Variants in ZMYM2 observed in about 807,000 individuals in gnomAD.
ZMYM2 encodes the protein zinc finger MYM-type protein 2.
ZMYM2 carries 56 observed loss-of-function variants against 162.8 expected under a neutral mutation model. The ratio of observed to expected loss-of-function variants is 0.34; its 90% CI spans 0.28 to 0.43. ZMYM2 has a LOEUF of 0.43. Ranked by LOEUF, ZMYM2 falls within the 20% of genes least tolerant of loss-of-function variation. The pLI is 1.00. For synonymous variants in ZMYM2, 510 were observed against 541.6 expected (o/e 0.94, Z 0.81); for missense variants, 1,275 against 1,621.8 (o/e 0.79, Z 3.67).
chr13:19,986,194 C>CA (rs1040909382), intron 2 of ZMYM2, among the ~76,000 whole-genome samples: 14 of 151,312 alleles, frequency 9.3e-5, no homozygotes, highest in African/African-American at 2.4e-4. Flanking sequence ...CAGACTCTCT[C>CA]AAAAAAACAA....
chr13:19,942,656 G>A, the ZMYM2 span, among the ~76,000 whole-genome samples: 1 of 151,928 alleles, frequency 6.6e-6, no homozygotes, highest in African/African-American at 2.4e-5. Flanking sequence ...GCTGCAGTGG[G>A]CCATAATCCT....
the ZMYM2 span, among the ~76,000 whole-genome samples, chr13:19,928,784 G>C: frequency 3.3e-3 from 498 of 149,482 alleles, 3 homozygotes; most frequent in African/African-American, 0.012. Flanking sequence ...GTGATAGAGT[G>C]AGACTCTGTC....
At chr13:20,055,510 G>C (rs1347975880) in intron 14 of ZMYM2, among the ~76,000 whole-genome samples, 2 of 152,118 alleles carry the variant, frequency 1.3e-5, no homozygotes, top group Admixed American at 6.6e-5. Context: ...TTGTTTAGAA[G>C]GGCCAGCAAG....
intron 3 of ZMYM2, among the ~76,000 whole-genome samples, chr13:20,001,283 T>C (rs956572333): frequency 6.6e-6 from 1 of 151,884 alleles, no homozygotes; most frequent in Non-Finnish European, 1.5e-5. Flanking sequence ...TCCCAGCTGC[T>C]TGGGAGACTG....
At chr13:19,987,257 A>G (rs539158622) in intron 2 of ZMYM2, among the ~76,000 whole-genome samples, 10 of 152,096 alleles carry the variant, frequency 6.6e-5, no homozygotes, top group African/African-American at 1.4e-4. Flanking sequence ...TAAATAAACA[A>G]TGCAGCTCTT....
chr13:19,918,739 T>C, the ZMYM2 span, among the ~76,000 whole-genome samples: 22 of 152,080 alleles, frequency 1.4e-4, no homozygotes, highest in East Asian at 7.8e-4. Flanking sequence ...CCTTGGGTGA[T>C]ACACCCACCT....
At chr13:19,897,787 C>T in the ZMYM2 span, among the ~76,000 whole-genome samples, 2 of 151,926 alleles carry the variant, frequency 1.3e-5, no homozygotes, top group African/African-American at 4.8e-5. Flanking sequence ...ATAAAATCAT[C>T]AACTTACCAA....
chr13:20,064,116 T>C (rs1956489522), intron 18 of ZMYM2, among the ~76,000 whole-genome samples: 1 of 151,748 alleles, frequency 6.6e-6, no homozygotes, highest in South Asian at 2.1e-4. Context: ...ACATTAGTTT[T>C]TGGAAAAAAC....
the ZMYM2 span, among the ~76,000 whole-genome samples, chr13:19,880,273 C>T: frequency 6.6e-6 from 1 of 152,140 alleles, no homozygotes; most frequent in Non-Finnish European, 1.5e-5. Flanking sequence ...GGACATCTTG[C>T]AATATTAAGT....
At chr13:19,891,314 G>A in the ZMYM2 span, among the ~76,000 whole-genome samples, 1 of 151,810 alleles carries the variant, frequency 6.6e-6, no homozygotes, top group South Asian at 2.1e-4. Flanking sequence ...ACGAAGAATG[G>A]CCTCACCAGA....
chr13:19,892,375 C>G, the ZMYM2 span, among the ~76,000 whole-genome samples: 1 of 151,764 alleles, frequency 6.6e-6, no homozygotes, highest in Non-Finnish European at 1.5e-5. Flanking sequence ...GGGTTCACGC[C>G]ATTCTCCTGC....
chr13:20,038,060 C>T (rs891049211), intron 12 of ZMYM2, among the ~76,000 whole-genome samples: 7 of 152,088 alleles, frequency 4.6e-5, no homozygotes, highest in African/African-American at 1.7e-4. Flanking sequence ...CTTTTCTTTT[C>T]CTGTGTTAGT....
chr13:20,031,685 A>T (rs548489680), intron 10 of ZMYM2, among the ~76,000 whole-genome samples: 1 of 152,120 alleles, frequency 6.6e-6, no homozygotes, highest in African/African-American at 2.4e-5. Flanking sequence ...AATAGTGTAC[A>T]GAATGTCACT....
the ZMYM2 span, among the ~76,000 whole-genome samples, chr13:19,923,525 G>A: frequency 1.8e-4 from 13 of 73,474 alleles, no homozygotes; most frequent in East Asian, 7.8e-3. Context: ...TCTGTTTGGG[G>A]TCTTTTTTTT....
At chr13:19,868,346 T>C in the ZMYM2 span, among the ~76,000 whole-genome samples, 1 of 152,254 alleles carries the variant, frequency 6.6e-6, no homozygotes, top group Admixed American at 6.5e-5. Context: ...TTGATAGTCA[T>C]AGTGTTTCAA....
At chr13:19,969,700 A>G (rs756354310) in intron 2 of ZMYM2, among the ~76,000 whole-genome samples, 1 of 152,202 alleles carries the variant, frequency 6.6e-6, no homozygotes, top group Non-Finnish European at 1.5e-5. Flanking sequence ...TATTTACTAG[A>G]TAATTTAAAA....
chr13:20,052,277 A>C lies in ZMYM2; in HGVS notation c.2459A>C (p.Asp820Ala). The change falls in exon 14 of 25, where the codon GAT becomes GCT. Residue 820 changes from aspartate to alanine, a missense_variant and splice_region_variant. Coordinates refer to ENST00000610343, the MANE Select transcript of ZMYM2 (RefSeq NM_197968.4). Reference protein sequence around the residue: ...TQKGPENLHYDQGCQTSRTKM... With the variant: ...TQKGPENLHYAQGCQTSRTKM... ...TTTTAAATTTTTTTGTGTTTTTTAGATCAGGGTTGTCAGACATCTCGAACC... is the reference window on the plus strand; with the variant it reads ...TTTTAAATTTTTTTGTGTTTTTTAGCTCAGGGTTGTCAGACATCTCGAACC... The C allele has an allele frequency of 1.3e-6, 2 of 1,561,368 alleles. No individual in the cohort carries two copies. Among genetic ancestry groups the C allele is most frequent in the Non-Finnish European group, 8.7e-7 (1 of 1,151,964 alleles).
the ZMYM2 span, among the ~76,000 whole-genome samples, chr13:19,918,880 G>A: frequency 0.68 from 102,974 of 151,894 alleles, 35,830 homozygotes; most frequent in Non-Finnish European, 0.76. Flanking sequence ...AATTGGTATC[G>A]GTACATTGTG....
chr13:20,059,863 G>C (rs1412025036), intron 16 of ZMYM2, among the ~76,000 whole-genome samples: 1 of 151,824 alleles, frequency 6.6e-6, no homozygotes, highest in Non-Finnish European at 1.5e-5. Context: ...GTGACACCCT[G>C]TCTCTACTAA....
Sources: gnomAD v4.1 joint callset for allele counts (sites outside exome capture counted in the v4.1 genomes callset) on GRCh38, gnomAD v4.1.1 for gene constraint, MANE v1.5 for transcripts, NCBI Gene and HGNC (gene_info 2026-07-23, HGNC 2026-07-21) for gene names.